The following SLC6A19 variants were observed in gnomAD, a reference collection of about 807,000 sequenced individuals.
SLC6A19 encodes the protein sodium-dependent neutral amino acid transporter B(0)AT1.
SLC6A19 carries 67 observed loss-of-function variants against 68.3 expected under a neutral mutation model. The ratio of observed to expected loss-of-function variants is 0.98; its 90% CI spans 0.81 to 1.20. The LOEUF is 1.20. Among genes scored for constraint, SLC6A19 ranks in the 50% most tolerant of loss-of-function variants. The probability of loss-of-function intolerance (pLI) is 0.00; values close to 1 mark genes in which losing one functional copy is unlikely to be tolerated. For synonymous variants in SLC6A19, 392 were observed against 374.9 expected, an observed-to-expected ratio of 1.05 and a Z score of -0.53; for missense variants, 813 against 851.6, an observed-to-expected ratio of 0.95 and a Z score of 0.56.
At chr5:1,211,914 C>T (rs1399902345) in intron 3 of SLC6A19, among the ~76,000 whole-genome samples, 1 of 143,134 alleles carries the variant, frequency 7.0e-6, no homozygotes, top group African/African-American at 2.7e-5. Context: ...TGTGTACATG[C>T]ATGTGTGTGC....
chr5:1,208,550 G>A (rs1413314733), intron 1 of SLC6A19, among the ~76,000 whole-genome samples, 196 bp from the exon 2 acceptor site: 2 of 152,194 alleles, frequency 1.3e-5, no homozygotes, highest in African/African-American at 4.8e-5. Flanking sequence ...ATGTCCAGCT[G>A]CCCAGCAGTG....
chr5:1,206,175 G>A (rs575314523), intron 1 of SLC6A19, among the ~76,000 whole-genome samples: 2 of 152,352 alleles, frequency 1.3e-5, no homozygotes, highest in African/African-American at 4.8e-5. Context: ...CAGTGAGAGA[G>A]GCTGGCAGGG....
rs1409329820 is a variant in SLC6A19 at position 1,223,497 on chromosome 5, C to G, written c.*1593C>G. ...GCCCTGCCCCCGTCACGGGATGGGCCCCCATTGGGGTTCAACATTCCATCG... is the reference window on the plus strand; with the variant it reads ...GCCCTGCCCCCGTCACGGGATGGGCGCCCATTGGGGTTCAACATTCCATCG... On this transcript the variant is annotated 3_prime_UTR_variant, in exon 12 of 12. Coordinates refer to ENST00000304460, the MANE Select transcript of SLC6A19 (RefSeq NM_001003841.3). 1 of 152,390 alleles carries G rather than the reference C, an allele frequency of 6.6e-6. No homozygotes were observed. The highest frequency in any genetic ancestry group is 6.5e-5 in the Admixed American group (1 of 15,286). 9.4% of individuals were successfully genotyped at this position (152,390 alleles called of 1,614,324 possible).
rs905298269 is a variant in SLC6A19 at position 1,214,837 on chromosome 5, G to A, written c.887+772G>A. 5.2e-5 allele frequency among the ~76,000 whole-genome samples: 6 copies of A among 116,252 alleles called. No homozygotes were observed. Among genetic ancestry groups the A allele is most frequent in the East Asian group, 5.6e-4 (2 of 3,542 alleles). The allele number at this position is 116,252 out of a possible 152,430, so 76.3% of individuals were successfully genotyped here. On this transcript the variant is annotated intron_variant, in intron 6 of 11. Coordinates refer to ENST00000304460, the MANE Select transcript of SLC6A19 (RefSeq NM_001003841.3). The surrounding 1 kb of genome is among the most constrained non-coding windows in gnomAD (Gnocchi z 7.4). ...GCAGGGCCTGGGTAGGGAGGGTGGGGCCTAGACTGGACGGGGGCCTGGGTA... is the reference window on the plus strand; with the variant it reads ...GCAGGGCCTGGGTAGGGAGGGTGGGACCTAGACTGGACGGGGGCCTGGGTA...
rs201084108 is a variant in SLC6A19 at position 1,213,973 on chromosome 5, G to T, written c.795G>T (p.Pro265=). The T allele has an allele frequency of 6.2e-7, 1 of 1,613,328 alleles. No individual in the cohort carries two copies. The highest frequency in any genetic ancestry group is 8.5e-7 in the Non-Finnish European group (1 of 1,180,004). Residue 265 remains proline, a synonymous_variant, in exon 6 of 12, where the codon CCG becomes CCT. Transcript: ENST00000304460. ...FTPNVTELAQ[P]DTWLDAGAQV... ...CGCAGGTCACGGAGCTGGCCCAGCC[G>T]GACACCTGGCTGGACGCGGGCGCAC...
intron 2 of SLC6A19, 65 bp downstream of exon 2, chr5:1,208,951 C>A: frequency 1.3e-6 from 2 of 1,554,854 alleles, no homozygotes; most frequent in South Asian, 2.3e-5. Context: ...CCGTTCCACC[C>A]GGGCCCAGGG....
In SLC6A19 at chr5:1,222,460, G is replaced by C. The variant is rs1746417535; in HGVS notation, c.*556G>C. On this transcript the variant is annotated 3_prime_UTR_variant, in exon 12 of 12. Coordinates refer to ENST00000304460, the MANE Select transcript of SLC6A19 (RefSeq NM_001003841.3). ...GTATGTGTGTTCTGTGTGTGCGTTT[G>C]CAAGTATATATGCACATGTGTATAT... 1 of 434,072 alleles carries C rather than the reference G, an allele frequency of 2.3e-6. No individual in the cohort carries two copies. The highest frequency in any genetic ancestry group is 4.0e-6 in the Non-Finnish European group (1 of 247,180). 26.9% of individuals were successfully genotyped at this position (434,072 alleles called of 1,614,324 possible).
At chr5:1,213,619 G>A (rs752041731) in intron 5 of SLC6A19, 46 bp downstream of exon 5, 2 of 1,554,022 alleles carry the variant, frequency 1.3e-6, no homozygotes, top group Admixed American at 1.7e-5. Flanking sequence ...GGAGAGGCCT[G>A]GCTGCCCTGT....
At chr5:1,213,385 C>A in intron 4 of SLC6A19, 78 bp from the exon 5 acceptor site, 1 of 328,928 alleles carries the variant, frequency 3.0e-6, no homozygotes, top group Non-Finnish European at 5.0e-6. Context: ...CCCCATATGC[C>A]CCGCCCCCAC....
intron 6 of SLC6A19, among the ~76,000 whole-genome samples, chr5:1,216,233 G>A (rs1746202550): frequency 6.6e-6 from 1 of 152,212 alleles, no homozygotes; most frequent in Non-Finnish European, 1.5e-5. Context: ...CTTGACGGAG[G>A]TTACCGCAGG....
In SLC6A19 at chr5:1,212,184, G is replaced by T. The variant is rs1746057623; in HGVS notation, c.482-119G>T. Reference sequence around the variant, plus strand: ...TGCCTGTGTTCATGTGCACGTGTGGGCGTGTCACTGGTGTCAAGGCCTCTG... The same window carrying T: ...TGCCTGTGTTCATGTGCACGTGTGGTCGTGTCACTGGTGTCAAGGCCTCTG... On this transcript the variant is annotated intron_variant, in intron 3 of 11. Coordinates refer to ENST00000304460, the MANE Select transcript of SLC6A19 (RefSeq NM_001003841.3). This position sits in a 1 kb window ranked among gnomAD's most constrained non-coding sequence, Gnocchi z 5.1. 2 of 1,201,446 alleles carry T rather than the reference G, an allele frequency of 1.7e-6. No individual in the cohort carries two copies. The highest frequency in any genetic ancestry group is 2.5e-5 in the South Asian group (2 of 80,398). 74.4% of individuals were successfully genotyped at this position (1,201,446 alleles called of 1,614,324 possible). A position where few individuals can be genotyped will look rare whatever the true frequency, so the allele number is the denominator to read the frequency against.
intron 8 of SLC6A19, among the ~76,000 whole-genome samples, chr5:1,217,284 G>A (rs924710698): frequency 7.2e-5 from 11 of 152,218 alleles, no homozygotes; most frequent in Non-Finnish European, 1.2e-4. Flanking sequence ...GACTTCTATC[G>A]ACATTGAAAG....
At chr5:1,203,903 A>G (rs1745782529) in intron 1 of SLC6A19, among the ~76,000 whole-genome samples, 1 of 152,172 alleles carries the variant, frequency 6.6e-6, no homozygotes, top group Non-Finnish European at 1.5e-5. Flanking sequence ...CTCTGCCACA[A>G]GGGAGCTTTC....
At chr5:1,216,046 G>T (rs951690656) in intron 6 of SLC6A19, among the ~76,000 whole-genome samples, 6 of 152,196 alleles carry the variant, frequency 3.9e-5, no homozygotes, top group African/African-American at 1.2e-4. Flanking sequence ...GGGAAGGGTG[G>T]AGTGAGCTGG....
At chr5:1,201,881 A>G in intron 1 of SLC6A19, 29 bp downstream of exon 1, 1 of 1,599,804 alleles carries the variant, frequency 6.3e-7, no homozygotes, top group Non-Finnish European at 8.5e-7. Flanking sequence ...GCTGCGGGCG[A>G]GGCCGTGGCC....
At position 1,224,838 on chromosome 5, in the gene SLC6A19, A is replaced by G. The variant is rs1024479686; in HGVS notation, c.*2934A>G. Reference sequence around the variant, plus strand: ...GCGTCAACTCATCAACCCTCCACCCATGGACAGGGGTGCCCCCAGCACAGG... The same window carrying G: ...GCGTCAACTCATCAACCCTCCACCCGTGGACAGGGGTGCCCCCAGCACAGG... On this transcript the variant is annotated 3_prime_UTR_variant, in exon 12 of 12. Transcript: ENST00000304460. 6.5e-6 allele frequency: 1 copy of G among 152,914 alleles called. No homozygotes were observed. Among genetic ancestry groups the G allele is most frequent in the Non-Finnish European group, 1.5e-5 (1 of 68,558 alleles). 9.5% of individuals were successfully genotyped at this position (152,914 alleles called of 1,614,324 possible). A position where few individuals can be genotyped will look rare whatever the true frequency, so the allele number is the denominator to read the frequency against.
chr5:1,224,625 C>T lies in SLC6A19; in HGVS notation c.*2721C>T, dbSNP rs912416525. 6.6e-6 allele frequency: 1 copy of T among 152,400 alleles called. No individual in the cohort carries two copies. The highest frequency in any genetic ancestry group is 1.9e-4 in the East Asian group (1 of 5,192). The allele number at this position is 152,400 out of a possible 1,614,324, so 9.4% of individuals were successfully genotyped here. A position where few individuals can be genotyped will look rare whatever the true frequency, so the allele number is the denominator to read the frequency against. On this transcript the variant is annotated 3_prime_UTR_variant, in exon 12 of 12. Coordinates refer to ENST00000304460, the MANE Select transcript of SLC6A19 (RefSeq NM_001003841.3). ...AAGAACCTTCCAAAAATGTGTCCAC[C>T]TGGGCCCCTGCCCTGGGACTCATGG...
intron 3 of SLC6A19, among the ~76,000 whole-genome samples, chr5:1,211,777 G>C (rs565250060): frequency 1.3e-5 from 2 of 151,992 alleles, no homozygotes; most frequent in African/African-American, 4.8e-5. Flanking sequence ...ACATGCATGT[G>C]CGTGCATGTG....
At position 1,223,112 on chromosome 5, in the gene SLC6A19, T is replaced by C. The variant is rs963213556; in HGVS notation, c.*1208T>C. 11 of 152,212 alleles carry C rather than the reference T, an allele frequency of 7.2e-5. No homozygotes were observed. Among genetic ancestry groups the C allele is most frequent in the African/African-American group, 2.7e-4 (11 of 41,446 alleles). 9.4% of individuals were successfully genotyped at this position (152,212 alleles called of 1,614,324 possible). A position where few individuals can be genotyped will look rare whatever the true frequency, so the allele number is the denominator to read the frequency against. Reference sequence around the variant, plus strand: ...AGTTGCTGGCGATTCTGAGAAAACTTGGCCGCATCCACCGGGGCCCTGCCT... The same window carrying C: ...AGTTGCTGGCGATTCTGAGAAAACTCGGCCGCATCCACCGGGGCCCTGCCT... On this transcript the variant is annotated 3_prime_UTR_variant, in exon 12 of 12. Coordinates refer to ENST00000304460, the MANE Select transcript of SLC6A19 (RefSeq NM_001003841.3).
Sources: allele counts gnomAD v4.1 joint callset (sites outside exome capture counted in the v4.1 genomes callset), GRCh38; gene constraint gnomAD v4.1.1; non-coding constraint Gnocchi (gnomAD v3.1); transcripts MANE v1.5; gene names NCBI Gene and HGNC (gene_info 2026-07-23, HGNC 2026-07-21).